LRRTM4: variants seen among roughly 807,000 people sequenced by gnomAD.
LRRTM4 encodes leucine rich repeat transmembrane neuronal 4, also known as leucine-rich repeat transmembrane neuronal protein 4.
LRRTM4 carries 25 observed loss-of-function variants against 47.6 expected under a neutral mutation model. That is an observed-to-expected ratio of 0.53 (90% confidence interval 0.38 to 0.73). The LOEUF is 0.73. Among genes scored for constraint, LRRTM4 ranks in the 30% least tolerant of loss-of-function variants. The pLI is 0.00. For missense variants in LRRTM4, 638 were observed against 713.4 expected, an observed-to-expected ratio of 0.89 and a Z score of 1.20; for synonymous variants, 311 against 269.5, an observed-to-expected ratio of 1.15 and a Z score of -1.51.
In LRRTM4 at chr2:76,771,695, G is replaced by A. The variant is rs143197835; in HGVS notation, c.1552-22779C>T. ...AAGAACATCAGTTTAAGTCTGGCCT[G>A]GAAGGCACATCAAAGGCAGAGGTGA... On this transcript the variant is annotated intron_variant, in intron 3 of 3. Transcript: ENST00000409884. Among the ~76,000 whole-genome samples the A allele has an allele frequency of 4.1e-3, 622 of 151,730 alleles. 10 individuals carry two copies. The South Asian group carries it at 0.049, about 12-fold the overall frequency.
chr2:77,035,639 T>C (rs1330358927), intron 3 of LRRTM4, among the ~76,000 whole-genome samples: 2 of 151,938 alleles, frequency 1.3e-5, no homozygotes, highest in Non-Finnish European at 2.9e-5. Flanking sequence ...AATTATACAA[T>C]CAGTAACTTT....
chr2:77,362,156 A>AGAAAGAAAGAAAGAAAGGAAGAAAGAAG (rs1672256988), intron 3 of LRRTM4, among the ~76,000 whole-genome samples: 1 of 151,570 alleles, frequency 6.6e-6, no homozygotes, highest in African/African-American at 2.4e-5. Context: ...AAAGAAAGAA[A>AGAAAGAAAGAAAGAAAGGAAGAAAGAAG]GAAAGAAAGA....
intron 3 of LRRTM4, among the ~76,000 whole-genome samples, chr2:77,308,104 T>G (rs1251162644): frequency 7.1e-6 from 1 of 140,158 alleles, no homozygotes; most frequent in Non-Finnish European, 1.5e-5. Context: ...TATATGTATA[T>G]GTTATATATT....
chr2:77,457,842 A>C (rs1369846965), intron 3 of LRRTM4, among the ~76,000 whole-genome samples: 1 of 152,042 alleles, frequency 6.6e-6, no homozygotes. Context: ...CCTTCTTATC[A>C]TCATGCCTCA....
intron 3 of LRRTM4, among the ~76,000 whole-genome samples, chr2:77,421,322 G>A (rs1674872807): frequency 6.6e-6 from 1 of 152,114 alleles, no homozygotes; most frequent in African/African-American, 2.4e-5. Context: ...TTCTCAACTG[G>A]GTTTTTTTAT....
intron 3 of LRRTM4, among the ~76,000 whole-genome samples, chr2:77,131,085 C>T (rs1290362717): frequency 2.0e-5 from 3 of 151,728 alleles, no homozygotes; most frequent in South Asian, 2.1e-4. Context: ...CCGCCCGCCT[C>T]GGCCTCCCAA....
intron 3 of LRRTM4, among the ~76,000 whole-genome samples, chr2:77,304,553 T>C (rs1219866043): frequency 6.6e-6 from 1 of 152,088 alleles, no homozygotes; most frequent in African/African-American, 2.4e-5. Context: ...AAAAAAATAC[T>C]TGAGACATAG....
chr2:77,015,553 T>C (rs945510027), intron 3 of LRRTM4, among the ~76,000 whole-genome samples: 1 of 151,888 alleles, frequency 6.6e-6, no homozygotes, highest in Non-Finnish European at 1.5e-5. Flanking sequence ...CTCGAACTCC[T>C]GACCTTGTGA....
At chr2:77,058,769 A>G (rs1573512456) in intron 3 of LRRTM4, among the ~76,000 whole-genome samples, 2 of 152,200 alleles carry the variant, frequency 1.3e-5, no homozygotes, top group South Asian at 2.1e-4. Context: ...CTTGTTTTCT[A>G]TATTTGGCAT....
intron 3 of LRRTM4, among the ~76,000 whole-genome samples, chr2:77,161,827 C>A (rs1672737204): frequency 6.6e-6 from 1 of 152,046 alleles, no homozygotes; most frequent in South Asian, 2.1e-4. Context: ...AGTTCCAATG[C>A]AAATGATTAA....
intron 3 of LRRTM4, among the ~76,000 whole-genome samples, chr2:76,955,872 T>G (rs1675656931): frequency 6.6e-6 from 1 of 151,534 alleles, no homozygotes; most frequent in African/African-American, 2.4e-5. Flanking sequence ...ATTAGTTAAG[T>G]CTCCCACTCT....
At chr2:76,841,217 T>C (rs1359785208) in intron 3 of LRRTM4, among the ~76,000 whole-genome samples, 1 of 151,128 alleles carries the variant, frequency 6.6e-6, no homozygotes, top group Non-Finnish European at 1.5e-5. Flanking sequence ...TAGGTGGGAA[T>C]TGAACAATGA....
intron 3 of LRRTM4, among the ~76,000 whole-genome samples, chr2:77,457,223 C>T (rs1676598051): frequency 6.6e-6 from 1 of 151,614 alleles, no homozygotes; most frequent in Non-Finnish European, 1.5e-5. Context: ...AAAGCCATGT[C>T]AGTACACTTT....
At chr2:76,936,585 TAAA>T (rs869085850) in intron 3 of LRRTM4, among the ~76,000 whole-genome samples, 23 of 96,956 alleles carry the variant, frequency 2.4e-4, no homozygotes, top group African/African-American at 7.0e-4. Context: ...TAAAGTATAA[TAAA>T]AAAAAAAAAA....
chr2:77,459,845 T>C (rs1343954306), intron 3 of LRRTM4, among the ~76,000 whole-genome samples: 1 of 152,098 alleles, frequency 6.6e-6, no homozygotes, highest in Non-Finnish European at 1.5e-5. Flanking sequence ...GCTGGGGCTT[T>C]TGAATAATCA....
chr2:76,808,968 G>C (rs1670646941), intron 3 of LRRTM4, among the ~76,000 whole-genome samples: 1 of 152,086 alleles, frequency 6.6e-6, no homozygotes, highest in African/African-American at 2.4e-5. Context: ...GCTGTGTTTT[G>C]TGTTTGTCAG....
chr2:77,182,030 A>G (rs560224709), intron 3 of LRRTM4, among the ~76,000 whole-genome samples: 3 of 152,314 alleles, frequency 2.0e-5, no homozygotes, highest in Non-Finnish European at 1.5e-5. Context: ...TCAAGGAACT[A>G]GAACCAGAAA....
intron 3 of LRRTM4, among the ~76,000 whole-genome samples, chr2:77,078,808 C>A (rs538501786): frequency 7.2e-5 from 11 of 152,260 alleles, no homozygotes; most frequent in African/African-American, 2.4e-4. Flanking sequence ...GATGCTCTAA[C>A]AAAATACTAT....
At chr2:76,821,041 A>G (rs891035967) in intron 3 of LRRTM4, among the ~76,000 whole-genome samples, 3 of 151,744 alleles carry the variant, frequency 2.0e-5, no homozygotes, top group African/African-American at 7.3e-5. Flanking sequence ...GCAAGGGTCT[A>G]TATTCCACTG....
Sources: allele counts gnomAD v4.1 joint callset (sites outside exome capture counted in the v4.1 genomes callset), GRCh38; gene constraint gnomAD v4.1.1; transcripts MANE v1.5; gene names NCBI Gene and HGNC (gene_info 2026-07-23, HGNC 2026-07-21).